LYPLAL1: variants seen among roughly 807,000 people sequenced by gnomAD.
LYPLAL1 encodes lysophospholipase-like protein 1.
LYPLAL1 carries 23 observed loss-of-function variants against 19.7 expected under a neutral mutation model. The ratio of observed to expected loss-of-function variants is 1.17; its 90% CI spans 0.84 to 1.65. The LOEUF (loss-of-function observed/expected upper bound fraction) is 1.65. Among genes scored for constraint, LYPLAL1 ranks in the 40% most tolerant of loss-of-function variants. The probability of loss-of-function intolerance (pLI) is 0.00; values close to 1 mark genes in which losing one functional copy is unlikely to be tolerated. For synonymous variants in LYPLAL1, 119 were observed against 96.3 expected, an observed-to-expected ratio of 1.24 and a Z score of -1.38; for missense variants, 355 against 279.4, an observed-to-expected ratio of 1.27 and a Z score of -1.93.
chr1:219,208,499 C>T (rs968452864), intron 3 of LYPLAL1, among the ~76,000 whole-genome samples: 9 of 151,804 alleles, frequency 5.9e-5, no homozygotes, highest in African/African-American at 1.9e-4. Context: ...GAAACCCATA[C>T]GGTTTCTAAA....
the LYPLAL1 span, among the ~76,000 whole-genome samples, chr1:219,324,453 T>C: frequency 2.6e-5 from 4 of 152,110 alleles, no homozygotes; most frequent in African/African-American, 9.7e-5. Flanking sequence ...GAACAAAAGG[T>C]AGTGACTCGG....
the LYPLAL1 span, among the ~76,000 whole-genome samples, chr1:219,350,465 A>G: frequency 6.6e-6 from 1 of 152,294 alleles, no homozygotes; most frequent in African/African-American, 2.4e-5. Flanking sequence ...AAATAATAAA[A>G]CTGTGTGAAG....
the LYPLAL1 span, among the ~76,000 whole-genome samples, chr1:219,294,356 T>G: frequency 6.6e-6 from 1 of 152,194 alleles, no homozygotes; most frequent in African/African-American, 2.4e-5. Context: ...TCCTCAACTT[T>G]CCATTCCATC....
At chr1:219,189,531 T>C (rs947079112) in intron 2 of LYPLAL1, among the ~76,000 whole-genome samples, 4 of 151,646 alleles carry the variant, frequency 2.6e-5, no homozygotes, top group African/African-American at 9.7e-5. Flanking sequence ...GTTTGAATGC[T>C]TTCTGCCTTC....
At chr1:219,251,716 C>T in the LYPLAL1 span, among the ~76,000 whole-genome samples, 1 of 152,058 alleles carries the variant, frequency 6.6e-6, no homozygotes, top group Non-Finnish European at 1.5e-5. Flanking sequence ...TAATGTGATG[C>T]CTCCAGCTTT....
At chr1:219,185,176 A>T (rs1312089160) in intron 2 of LYPLAL1, among the ~76,000 whole-genome samples, 1 of 151,666 alleles carries the variant, frequency 6.6e-6, no homozygotes, top group African/African-American at 2.4e-5. Flanking sequence ...TGATTTGTCA[A>T]ATTTATTGAC....
At chr1:219,274,207 G>A in the LYPLAL1 span, among the ~76,000 whole-genome samples, 3 of 152,144 alleles carry the variant, frequency 2.0e-5, no homozygotes, top group African/African-American at 4.8e-5. Flanking sequence ...AATCGTTTCC[G>A]GCACTGAAAA....
At position 219,181,732 on chromosome 1, in the gene LYPLAL1, A is replaced by G. The variant is rs75064426; in HGVS notation, c.191+2486A>G. 4.5e-3 allele frequency among the ~76,000 whole-genome samples: 692 copies of G among 152,236 alleles called. 5 individuals are homozygous for G. Among genetic ancestry groups the G allele is most frequent in the South Asian group, 0.023 (111 of 4,822 alleles). The stretch of plus-strand genomic sequence containing the variant: ...ACTATGAGGCAATTCAGTGGAGGTC[A>G]GTTAAGAGAGATGATATCATACTTA... On this transcript the variant is annotated intron_variant, in intron 2 of 4. Coordinates refer to ENST00000366928, the MANE Select transcript of LYPLAL1 (RefSeq NM_138794.5).
At chr1:219,264,999 T>C in the LYPLAL1 span, among the ~76,000 whole-genome samples, 2 of 152,244 alleles carry the variant, frequency 1.3e-5, no homozygotes, top group East Asian at 3.8e-4. Context: ...TTAAACAATA[T>C]TTCTTCTCAA....
the LYPLAL1 span, among the ~76,000 whole-genome samples, chr1:219,299,425 CAA>C: frequency 6.6e-6 from 1 of 152,052 alleles, no homozygotes; most frequent in Non-Finnish European, 1.5e-5. Context: ...ATAACAGACT[CAA>C]AGAGATATCT....
At chr1:219,189,810 G>A (rs1657001992) in intron 2 of LYPLAL1, among the ~76,000 whole-genome samples, 1 of 151,536 alleles carries the variant, frequency 6.6e-6, no homozygotes, top group Admixed American at 6.6e-5. Context: ...ATTCCAAAAG[G>A]ATTTTTTAAG....
the LYPLAL1 span, among the ~76,000 whole-genome samples, chr1:219,241,804 G>A: frequency 2.6e-5 from 4 of 152,182 alleles, no homozygotes; most frequent in Non-Finnish European, 5.9e-5. Flanking sequence ...AACAGAGTTT[G>A]GAGATTGATT....
intron 3 of LYPLAL1, among the ~76,000 whole-genome samples, chr1:219,208,460 T>C (rs1044275528): frequency 1.3e-5 from 2 of 152,056 alleles, no homozygotes; most frequent in Admixed American, 6.5e-5. Flanking sequence ...GCTTAAGAGA[T>C]ATTTGTAAAT....
the LYPLAL1 span, among the ~76,000 whole-genome samples, chr1:219,274,976 T>G: frequency 1.3e-5 from 2 of 152,160 alleles, no homozygotes; most frequent in Admixed American, 6.5e-5. Flanking sequence ...TACGAGTTAT[T>G]TTTCCTAAGT....
chr1:219,409,602 A>G, the LYPLAL1 span: 1 of 152,272 alleles, frequency 6.6e-6, no homozygotes, highest in African/African-American at 2.4e-5. Context: ...TTAAATACAT[A>G]GATACAATGA....
chr1:219,417,125 T>A, the LYPLAL1 span, among the ~76,000 whole-genome samples: 1 of 152,218 alleles, frequency 6.6e-6, no homozygotes, highest in Middle Eastern at 3.2e-3. Context: ...TGAAAGAAGT[T>A]ACTGTGCACA....
chr1:219,416,468 T>G, the LYPLAL1 span, among the ~76,000 whole-genome samples: 2 of 152,322 alleles, frequency 1.3e-5, no homozygotes, highest in South Asian at 2.1e-4. Flanking sequence ...GGTGGTGGTG[T>G]TAGACAGCAA....
chr1:219,298,993 A>G, the LYPLAL1 span, among the ~76,000 whole-genome samples: 2 of 152,258 alleles, frequency 1.3e-5, no homozygotes, highest in African/African-American at 4.8e-5. Context: ...GAAATTCCAG[A>G]TAACTTTCAC....
chr1:219,259,652 G>T, the LYPLAL1 span, among the ~76,000 whole-genome samples: 2 of 151,420 alleles, frequency 1.3e-5, no homozygotes, highest in Non-Finnish European at 2.9e-5. Context: ...AAGGGTTGGA[G>T]AGAAGTGAGA....
Sources: allele counts gnomAD v4.1 joint callset (sites outside exome capture counted in the v4.1 genomes callset), GRCh38; gene constraint gnomAD v4.1.1; transcripts MANE v1.5; gene names NCBI Gene and HGNC (gene_info 2026-07-23, HGNC 2026-07-21).